NSUN6: variants seen among roughly 807,000 people sequenced by gnomAD.
The protein encoded by NSUN6 is tRNA (cytosine(72)-C(5))-methyltransferase NSUN6.
In NSUN6, 64 loss-of-function variants were observed where a neutral mutation model predicts 58.0. That is an observed-to-expected ratio of 1.10 (90% CI 0.90 to 1.36). The LOEUF is 1.36. NSUN6 is among the 40% of genes most tolerant of loss of function. The pLI, the probability that NSUN6 is intolerant of heterozygous loss-of-function variation, is 0.00. For synonymous variants in NSUN6, 231 were observed against 193.9 expected, an observed-to-expected ratio of 1.19 and a Z score of -1.59; for missense variants, 701 against 550.1, an observed-to-expected ratio of 1.27 and a Z score of -2.74.
At chr10:18,577,520 C>T (rs1473072727) in intron 8 of NSUN6, among the ~76,000 whole-genome samples, 3 of 152,090 alleles carry the variant, frequency 2.0e-5, no homozygotes, top group African/African-American at 7.2e-5. Context: ...TTACTAAAAT[C>T]TCCCTTAACT....
intron 8 of NSUN6, among the ~76,000 whole-genome samples, chr10:18,567,626 C>T (rs1269579305): frequency 6.7e-6 from 1 of 149,878 alleles, no homozygotes; most frequent in Non-Finnish European, 1.5e-5. Context: ...CCATTCCATT[C>T]TCTATTCCAT....
At chr10:18,637,506 T>C (rs2059257638) in intron 3 of NSUN6, among the ~76,000 whole-genome samples, 2 of 152,238 alleles carry the variant, frequency 1.3e-5, no homozygotes, top group Non-Finnish European at 2.9e-5. Context: ...CTGGCAAGAA[T>C]GAAAGCATCA....
At chr10:18,621,243 C>A (rs2058595550) in intron 3 of NSUN6, among the ~76,000 whole-genome samples, 2 of 152,178 alleles carry the variant, frequency 1.3e-5, no homozygotes, top group Non-Finnish European at 2.9e-5. Context: ...CACAGCTCAG[C>A]ACTGGGGGAC....
chr10:18,558,103 T>C (rs1051417132), intron 8 of NSUN6, among the ~76,000 whole-genome samples: 1 of 142,370 alleles, frequency 7.0e-6, no homozygotes, highest in Non-Finnish European at 1.5e-5. Context: ...GAGAATGGAA[T>C]AGAGTGGAAT....
At chr10:18,565,494 T>G (rs1696048752) in intron 8 of NSUN6, among the ~76,000 whole-genome samples, 1 of 151,240 alleles carries the variant, frequency 6.6e-6, no homozygotes, top group Non-Finnish European at 1.5e-5. Flanking sequence ...CATTCCATTC[T>G]CCATTCCATT....
rs1330222368 is a variant in NSUN6, at chr10:18,633,334, A to T, written c.311+9142T>A. Among the ~76,000 whole-genome samples, 6 of 151,592 alleles carry T rather than the reference A, an allele frequency of 4.0e-5. No homozygotes were observed. In the East Asian group the frequency reaches 1.2e-3, roughly 30 times the overall value. On this transcript the variant is annotated intron_variant, in intron 3 of 10. Coordinates refer to ENST00000377304, the MANE Select transcript of NSUN6 (RefSeq NM_182543.5). ...TGCTAGATGATGAGTTGGTGGGTGC[A>T]GCGCACCAGCATGGCACATGTATAC... is the stretch of plus-strand genomic sequence containing the variant.
At chr10:18,568,457 CCATTCCATTCTCCATTG>C (rs1416045777) in intron 8 of NSUN6, among the ~76,000 whole-genome samples, 3 of 151,410 alleles carry the variant, frequency 2.0e-5, no homozygotes, top group Non-Finnish European at 4.4e-5. Context: ...CATCTCCATT[CCATTCCATTCTCCATTG>C]CATTCCATTC....
chr10:18,598,016 G>T (rs2057661602), intron 6 of NSUN6, among the ~76,000 whole-genome samples: 1 of 152,194 alleles, frequency 6.6e-6, no homozygotes, highest in Admixed American at 6.5e-5. Flanking sequence ...TGACCCGAAT[G>T]TATACATCCA....
At chr10:18,557,409 A>G (rs975574967) in intron 8 of NSUN6, among the ~76,000 whole-genome samples, 1 of 151,158 alleles carries the variant, frequency 6.6e-6, no homozygotes, top group African/African-American at 2.4e-5. Context: ...CATGGAATGG[A>G]ATGGAGAATG....
At chr10:18,643,629 C>G (rs1230125442) in intron 2 of NSUN6, among the ~76,000 whole-genome samples, 1 of 152,168 alleles carries the variant, frequency 6.6e-6, no homozygotes, top group African/African-American at 2.4e-5. Flanking sequence ...CAACAGATAA[C>G]TAATAAGCAA....
intron 8 of NSUN6, among the ~76,000 whole-genome samples, chr10:18,560,888 G>C (rs1589857012): frequency 6.6e-6 from 1 of 151,510 alleles, no homozygotes; most frequent in Admixed American, 6.6e-5. Context: ...GAATGGAATG[G>C]AATGGAGGAT....
intron 4 of NSUN6, among the ~76,000 whole-genome samples, chr10:18,615,565 A>G (rs2058380598): frequency 6.6e-6 from 1 of 152,246 alleles, no homozygotes; most frequent in African/African-American, 2.4e-5. Context: ...GGCCACACAT[A>G]AACAGACATG....
chr10:18,571,494 TTCC>T (rs1004127923), intron 8 of NSUN6, among the ~76,000 whole-genome samples: 2 of 151,094 alleles, frequency 1.3e-5, no homozygotes, highest in African/African-American at 4.9e-5. Context: ...CCCTTCCCCT[TTCC>T]ATTCCATTCC....
chr10:18,655,219 T>A, upstream of NSUN6: 1 of 858,118 alleles, frequency 1.2e-6, no homozygotes, highest in Non-Finnish European at 1.4e-6. Flanking sequence ...AAGAAAATGG[T>A]ATTAACATAT....
chr10:18,584,997 TA>T (rs35061759), intron 8 of NSUN6, among the ~76,000 whole-genome samples: 113,975 of 143,434 alleles, frequency 0.79, 45,075 homozygotes, highest in East Asian at 0.98. Flanking sequence ...AGAGACCTAT[TA>T]AAAAAAAAAA....
chr10:18,602,436 G>A (rs561477441), intron 6 of NSUN6, among the ~76,000 whole-genome samples: 9 of 152,100 alleles, frequency 5.9e-5, no homozygotes, highest in Admixed American at 2.0e-4. Flanking sequence ...GGGTTTCACC[G>A]TGTTAGCCAG....
intron 8 of NSUN6, among the ~76,000 whole-genome samples, chr10:18,584,552 C>A (rs2057043168): frequency 6.6e-6 from 1 of 152,018 alleles, no homozygotes; most frequent in Non-Finnish European, 1.5e-5. Flanking sequence ...ATTATTAAGA[C>A]AACTTAGGCA....
Position 18,546,148 on chromosome 10 carries a change from G to C in NSUN6, c.1198-3C>G, listed in dbSNP as rs557169032. The stretch of plus-strand genomic sequence containing the variant: ...CCTTCTCCTCCAATCTGCGGTTCCT[G>C]TTTGGAGAAAGTGGATCAATATGGA... On this transcript the variant is annotated splice_region_variant and splice_polypyrimidine_tract_variant and intron_variant, in intron 10 of 10. Transcript: ENST00000377304. 14 of 1,605,242 alleles carry C rather than the reference G, an allele frequency of 8.7e-6. No individual in the cohort carries two copies. Among genetic ancestry groups the C allele is most frequent in the African/African-American group, 1.3e-5 (1 of 74,864 alleles).
chr10:18,611,584 C>T (rs1029203484), intron 5 of NSUN6, among the ~76,000 whole-genome samples: 4 of 152,158 alleles, frequency 2.6e-5, no homozygotes, highest in Admixed American at 6.5e-5. Context: ...GGCTGGAGCG[C>T]AGTGGCACAA....
Sources: allele counts gnomAD v4.1 joint callset (sites outside exome capture counted in the v4.1 genomes callset), GRCh38; gene constraint gnomAD v4.1.1; transcripts MANE v1.5; gene names NCBI Gene and HGNC (gene_info 2026-07-23, HGNC 2026-07-21).